CRISP2: variants seen among roughly 807,000 people sequenced by gnomAD.
CRISP2 encodes cysteine-rich secretory protein 2.
In CRISP2, 29 loss-of-function variants were observed where a neutral mutation model predicts 31.7. The observed-to-expected ratio is 0.92, with a 90% CI of 0.68 to 1.25. CRISP2 has a LOEUF of 1.25. Ranked by LOEUF, CRISP2 falls within the 50% of genes most tolerant of loss-of-function variation. CRISP2 has a pLI of 0.00. For synonymous variants in CRISP2, 111 were observed against 101.4 expected (o/e 1.09, Z -0.57); for missense variants, 318 against 286.5 (o/e 1.11, Z -0.79).
In CRISP2 at chr6:49,697,846, A is replaced by T; in HGVS notation, c.515+14T>A. On this transcript the variant is annotated intron_variant, in intron 8 of 9. Transcript: ENST00000339139. ...ATAGAATTATTGCCATTAAACTCTA[A>T]ACAGTCTACTTACGCAGGACAATAT... is the stretch of plus-strand genomic sequence containing the variant. 1 of 1,609,756 alleles carries T rather than the reference A, an allele frequency of 6.2e-7. No homozygotes were observed. Among genetic ancestry groups the T allele is most frequent in the South Asian group, 1.1e-5 (1 of 90,916 alleles).
the CRISP2 span, among the ~76,000 whole-genome samples, chr6:49,683,215 A>G: frequency 6.7e-6 from 1 of 148,536 alleles, no homozygotes; most frequent in African/African-American, 2.5e-5. Context: ...CATGCAGTGT[A>G]TACAATACAG....
intron 9 of CRISP2, among the ~76,000 whole-genome samples, chr6:49,693,448 A>G (rs1410820039): frequency 6.6e-6 from 1 of 152,144 alleles, no homozygotes; most frequent in African/African-American, 2.4e-5. Flanking sequence ...TTTTTGAGTA[A>G]ATAATCTTTA....
intron 6 of CRISP2, among the ~76,000 whole-genome samples, chr6:49,699,351 T>C (rs566538929): frequency 2.0e-5 from 3 of 152,148 alleles, no homozygotes; most frequent in Admixed American, 1.3e-4. Context: ...TAATTCATCA[T>C]AAGTTCAATA....
At chr6:49,701,668 C>T (rs1765816435) in intron 4 of CRISP2, among the ~76,000 whole-genome samples, 1 of 119,342 alleles carries the variant, frequency 8.4e-6, no homozygotes, top group Non-Finnish European at 1.7e-5. Context: ...TATATGTATA[C>T]ATTATATATG....
Position 49,692,798 on chromosome 6 carries a change from CA to C in CRISP2, c.706del (p.Cys236AlafsTer21). On this transcript the variant is annotated frameshift_variant, in exon 10 of 10. Transcript: ENST00000339139. LOFTEE classifies it high-confidence loss of function. ...ELLKEKCKAT[C>X]LCENKIY is the part of the protein sequence containing the mutation. ...TCAGTAAATTTTGTTCTCACATAGG[CA>C]AGTAGCCTTGCACTTTTCCTTGAGT... is the stretch of plus-strand genomic sequence containing the variant. 6.2e-7 allele frequency: 1 copy of C among 1,613,604 alleles called. No homozygotes were observed. The highest frequency in any genetic ancestry group is 8.5e-7 in the Non-Finnish European group (1 of 1,179,584).
intron 4 of CRISP2, among the ~76,000 whole-genome samples, chr6:49,701,929 A>T (rs1454683213): frequency 0.023 from 248 of 10,708 alleles, 1 homozygote; most frequent in Non-Finnish European, 0.028. Flanking sequence ...TATTATATAT[A>T]ATATATAATA....
intron 9 of CRISP2, among the ~76,000 whole-genome samples, chr6:49,694,897 C>T (rs895823488): frequency 1.3e-5 from 2 of 152,024 alleles, no homozygotes; most frequent in Non-Finnish European, 2.9e-5. Flanking sequence ...CCACACCTGG[C>T]TCATTTTTGT....
intron 5 of CRISP2, among the ~76,000 whole-genome samples, 171 bp downstream of exon 5, chr6:49,700,497 G>A (rs1277470703): frequency 6.6e-6 from 1 of 152,008 alleles, no homozygotes; most frequent in Non-Finnish European, 1.5e-5. Flanking sequence ...TTTTTAACCA[G>A]CTTTAAAACA....
At chr6:49,697,045 C>A (rs766846307) in intron 8 of CRISP2, among the ~76,000 whole-genome samples, 7 of 152,130 alleles carry the variant, frequency 4.6e-5, no homozygotes, top group South Asian at 2.1e-4. Flanking sequence ...GGAGGTTATA[C>A]TTCTCAAACT....
the CRISP2 span, among the ~76,000 whole-genome samples, chr6:49,681,726 AT>A: frequency 6.6e-6 from 1 of 151,978 alleles, no homozygotes. Flanking sequence ...GTTTTCTTTT[AT>A]TTTTTTCCCA....
chr6:49,692,622 G>A lies in CRISP2; in HGVS notation c.*151C>T, dbSNP rs865899371. The A allele has an allele frequency of 1.4e-6, 1 of 703,250 alleles. No individual in the cohort carries two copies. The highest frequency in any genetic ancestry group is 1.8e-5 in the African/African-American group (1 of 55,988). The allele number at this position is 703,250 out of a possible 1,614,324, so 43.6% of individuals were successfully genotyped here. A position where few individuals can be genotyped will look rare whatever the true frequency, so the allele number is the denominator to read the frequency against. The stretch of plus-strand genomic sequence containing the variant: ...ATGCTACTTTTGTAAATCATTGCCT[G>A]AAAGTGATTTCTGTGATGATCTGGG... On this transcript the variant is annotated 3_prime_UTR_variant, in exon 10 of 10. Coordinates refer to ENST00000339139, the MANE Select transcript of CRISP2 (RefSeq NM_003296.4).
Position 49,702,158 on chromosome 6 carries a change from T to C in CRISP2, c.67-1374A>G, listed in dbSNP as rs1333943149. ...TGTGTACTATATATATATATATATA[T>C]ATATATATATATATATATATATATA... On this transcript the variant is annotated intron_variant, in intron 4 of 9. Transcript: ENST00000339139. Among the ~76,000 whole-genome samples, 27 of 114,818 alleles carry C rather than the reference T, an allele frequency of 2.4e-4. 1 individual carries two copies. Among genetic ancestry groups the C allele is most frequent in the African/African-American group, 8.6e-4 (27 of 31,410 alleles). 75.3% of individuals were successfully genotyped at this position (114,818 alleles called of 152,430 possible). A position where few individuals can be genotyped will look rare whatever the true frequency, so the allele number is the denominator to read the frequency against.
At chr6:49,709,962 C>T (rs554469868) in intron 3 of CRISP2, among the ~76,000 whole-genome samples, 5 of 152,306 alleles carry the variant, frequency 3.3e-5, no homozygotes, top group Middle Eastern at 3.4e-3. Context: ...AAAAGTCTCA[C>T]GTCCTTCAGA....
intron 9 of CRISP2, among the ~76,000 whole-genome samples, chr6:49,694,508 T>G (rs968340530): frequency 6.6e-6 from 1 of 152,036 alleles, no homozygotes; most frequent in Non-Finnish European, 1.5e-5. Context: ...TGTGTTTTGT[T>G]GTGGCAGGCT....
chr6:49,688,314 T>A (rs751067637), downstream of CRISP2, among the ~76,000 whole-genome samples: 1 of 152,252 alleles, frequency 6.6e-6, no homozygotes, highest in South Asian at 2.1e-4. Flanking sequence ...ATGTGGTGCT[T>A]CTTCTGTTAA....
intron 4 of CRISP2, among the ~76,000 whole-genome samples, chr6:49,706,851 A>G (rs775499076): frequency 1.5e-4 from 23 of 152,322 alleles, no homozygotes; most frequent in Non-Finnish European, 2.9e-4. Context: ...GTTCCTAAGA[A>G]CAGGGACTGA....
chr6:49,677,836 A>G, the CRISP2 span, among the ~76,000 whole-genome samples: 2 of 152,146 alleles, frequency 1.3e-5, no homozygotes, highest in Non-Finnish European at 2.9e-5. Context: ...GAACTTTATA[A>G]GGAAATAGGT....
At chr6:49,701,525 TACACACAC>T (rs1214427161) in intron 4 of CRISP2, among the ~76,000 whole-genome samples, 2 of 81,102 alleles carry the variant, frequency 2.5e-5, no homozygotes, top group African/African-American at 1.1e-4. Context: ...TATATATATA[TACACACAC>T]ACACACACAC....
intron 5 of CRISP2, among the ~76,000 whole-genome samples, 177 bp from the exon 6 acceptor site, chr6:49,700,068 T>G (rs1444614964): frequency 6.6e-6 from 1 of 152,164 alleles, no homozygotes; most frequent in African/African-American, 2.4e-5. Context: ...ACATGATGGG[T>G]AGTCCATAGG....
Sources: allele counts gnomAD v4.1 joint callset (sites outside exome capture counted in the v4.1 genomes callset), GRCh38; gene constraint gnomAD v4.1.1; transcripts MANE v1.5; gene names NCBI Gene and HGNC (gene_info 2026-07-23, HGNC 2026-07-21).